Variants in GRK4 observed in about 807,000 individuals in gnomAD.
GRK4 encodes G protein-coupled receptor kinase 4, also known as G protein-coupled receptor kinase 2-like.
Under a neutral mutation model 77.9 loss-of-function variants are expected in GRK4, and 73 were observed. That is an observed-to-expected ratio of 0.94 (90% CI 0.78 to 1.14). The LOEUF is 1.14. Among genes scored for constraint, GRK4 ranks in the 50% most tolerant of loss-of-function variants. The pLI, the probability that GRK4 is intolerant of heterozygous loss-of-function variation, is 0.00. For missense variants in GRK4, 729 were observed against 700.2 expected, an observed-to-expected ratio of 1.04 and a Z score of -0.46; for synonymous variants, 257 against 254.4, an observed-to-expected ratio of 1.01 and a Z score of -0.10.
At chr4:3,021,612 C>T (rs529187526) in intron 9 of GRK4, among the ~76,000 whole-genome samples, 1 of 152,284 alleles carries the variant, frequency 6.6e-6, no homozygotes, top group East Asian at 1.9e-4. Context: ...GGCTATGAGT[C>T]CTCTAGACAC....
chr4:3,019,842 T>A lies in GRK4; in HGVS notation c.932+11T>A, dbSNP rs751779365. 1.1e-5 allele frequency: 18 copies of A among 1,604,650 alleles called. No individual in the cohort carries two copies. Among genetic ancestry groups the A allele is most frequent in the Middle Eastern group, 1.7e-4 (1 of 5,954 alleles). On this transcript the variant is annotated intron_variant, in intron 9 of 15. Coordinates refer to ENST00000398052, the MANE Select transcript of GRK4 (RefSeq NM_182982.3). ...AAGAATTGTATACAGGTAAGAACGG[T>A]GCTACCTAATGGAGCCTGCAAGTCT...
At chr4:3,026,853 G>A (rs1021875331) in intron 10 of GRK4, among the ~76,000 whole-genome samples, 7 of 152,202 alleles carry the variant, frequency 4.6e-5, no homozygotes, top group African/African-American at 9.7e-5. Flanking sequence ...AGGGCATGTC[G>A]CATATTTTTA....
At chr4:3,010,314 C>T (rs1732533274) in intron 7 of GRK4, among the ~76,000 whole-genome samples, 1 of 152,124 alleles carries the variant, frequency 6.6e-6, no homozygotes, top group South Asian at 2.1e-4. Flanking sequence ...ACAACCTCCG[C>T]CTCCTGAGTT....
At chr4:2,987,081 A>G (rs542243291) in intron 2 of GRK4, 2 of 503,876 alleles carry the variant, frequency 4.0e-6, no homozygotes, top group Middle Eastern at 3.2e-4. Context: ...CCCCAAAAAG[A>G]AACGCCACAC....
chr4:2,984,535 T>C lies in GRK4; in HGVS notation c.75T>C (p.Gly25=), dbSNP rs1205052013. 2.5e-6 allele frequency: 4 copies of C among 1,612,790 alleles called. No homozygotes were observed. Among genetic ancestry groups the C allele is most frequent in the Non-Finnish European group, 2.5e-6 (3 of 1,179,230 alleles). The change falls in exon 2 of 16, where the codon GGT becomes GGC. Residue 25 remains glycine (G), a synonymous_variant. Coordinates refer to ENST00000398052, the MANE Select transcript of GRK4 (RefSeq NM_182982.3). ...ARQGGYGKKS[G]RSKKWKEILT... is the part of the protein sequence containing the mutation. Reference sequence around the variant, plus strand: ...CAGGAGGATATGGCAAAAAAAGTGGTCGTAGTAAAAAATGGAAGGAGATAC... The same window carrying C: ...CAGGAGGATATGGCAAAAAAAGTGGCCGTAGTAAAAAATGGAAGGAGATAC...
chr4:2,965,961 C>T (rs1717518863), intron 1 of GRK4: 1 of 173,522 alleles, frequency 5.8e-6, no homozygotes, highest in Admixed American at 5.4e-5. Flanking sequence ...CACTACCTTC[C>T]TATCTGCATG....
At chr4:3,011,515 G>A (rs1431376860) in intron 7 of GRK4, among the ~76,000 whole-genome samples, 1 of 152,132 alleles carries the variant, frequency 6.6e-6, no homozygotes, top group Non-Finnish European at 1.5e-5. Context: ...ATTTACTTGG[G>A]TTCCCAAACA....
chr4:3,023,109 C>A (rs973712233), intron 10 of GRK4, among the ~76,000 whole-genome samples: 1 of 152,170 alleles, frequency 6.6e-6, no homozygotes. Flanking sequence ...TGTCATGTTG[C>A]CCCTGGTGCT....
Position 2,963,732 on chromosome 4 carries a change from G to A in GRK4, c.-339G>A, listed in dbSNP as rs1199889611. 7.2e-6 allele frequency: 3 copies of A among 416,630 alleles called. No homozygotes were observed. Among genetic ancestry groups the A allele is most frequent in the African/African-American group, 2.1e-5 (1 of 46,778 alleles). 25.8% of individuals were successfully genotyped at this position (416,630 alleles called of 1,614,324 possible). ...TGACTCGGGGCTGCCCGGGGGCAGG[G>A]CACTGAGGAGGGAGTTGCGCGCGCG... is the stretch of plus-strand genomic sequence containing the variant. On this transcript the variant is annotated 5_prime_UTR_variant, in exon 1 of 16. Transcript: ENST00000398052.
chr4:2,984,821 AT>A (rs1411025292), intron 2 of GRK4, among the ~76,000 whole-genome samples: 1 of 151,916 alleles, frequency 6.6e-6, no homozygotes, highest in South Asian at 2.1e-4. Context: ...AAAAATATAT[AT>A]TTTTTATAGA....
chr4:2,987,352 G>A (rs1724716797), intron 2 of GRK4, among the ~76,000 whole-genome samples: 1 of 152,132 alleles, frequency 6.6e-6, no homozygotes, highest in Admixed American at 6.5e-5. Flanking sequence ...ATAGACATTT[G>A]AGTTGTTTTC....
At chr4:3,017,059 TCA>T (rs1382528899) in intron 8 of GRK4, among the ~76,000 whole-genome samples, 6 of 152,210 alleles carry the variant, frequency 3.9e-5, no homozygotes, top group Admixed American at 6.5e-5. Flanking sequence ...CCCTCGCCCC[TCA>T]CAGTCTGTTC....
At position 3,038,935 on chromosome 4, in the gene GRK4, G is replaced by C. The variant is rs182500080; in HGVS notation, c.1683+422G>C. On this transcript the variant is annotated intron_variant, in intron 15 of 15. Coordinates refer to ENST00000398052, the MANE Select transcript of GRK4 (RefSeq NM_182982.3). ...ATTCCTTTTTGAAAAGGGAATCCTG[G>C]CTGGGTGCGGTGGCTCACGCCTGTA... The C allele has an allele frequency of 4.8e-3, 778 of 160,840 alleles. 5 individuals carry two copies. Among genetic ancestry groups the C allele is most frequent in the Non-Finnish European group, 6.8e-3 (500 of 73,112 alleles). The allele number at this position is 160,840 out of a possible 1,614,324, so 10.0% of individuals were successfully genotyped here.
intron 1 of GRK4, among the ~76,000 whole-genome samples, chr4:2,974,749 T>A (rs1720598520): frequency 6.6e-6 from 1 of 152,182 alleles, no homozygotes; most frequent in Non-Finnish European, 1.5e-5. Context: ...TAATGGTGAT[T>A]TCTGAGATTT....
At chr4:2,988,978 A>C in intron 3 of GRK4, 139 bp downstream of exon 3, 1 of 595,964 alleles carries the variant, frequency 1.7e-6, no homozygotes, top group Admixed American at 2.5e-5. Flanking sequence ...AGGTCAGGAG[A>C]TCGAGACCAT....
chr4:2,988,937 C>T, intron 3 of GRK4, 98 bp downstream of exon 3: 1 of 752,478 alleles, frequency 1.3e-6, no homozygotes, highest in Non-Finnish European at 2.4e-6. Context: ...GTAATCCCAG[C>T]ATTTTGGAAG....
At chr4:2,971,595 C>T (rs886562317) in intron 1 of GRK4, among the ~76,000 whole-genome samples, 2 of 152,128 alleles carry the variant, frequency 1.3e-5, no homozygotes, top group African/African-American at 2.4e-5. Context: ...AAGAAGAAAG[C>T]GGGGAGGACA....
chr4:3,031,559 G>A (rs561602191), intron 12 of GRK4, among the ~76,000 whole-genome samples: 1 of 152,188 alleles, frequency 6.6e-6, no homozygotes, highest in Admixed American at 6.5e-5. Flanking sequence ...GTGACTAGAG[G>A]ACAGACCATG....
At chr4:3,032,212 G>A (rs147043196) in intron 12 of GRK4, among the ~76,000 whole-genome samples, 133 of 152,188 alleles carry the variant, frequency 8.7e-4, no homozygotes, top group African/African-American at 2.8e-3. Context: ...GGCCGGGTGC[G>A]GTGGCTCATG....
Sources: gnomAD v4.1 joint callset for allele counts (sites outside exome capture counted in the v4.1 genomes callset) on GRCh38, gnomAD v4.1.1 for gene constraint, MANE v1.5 for transcripts, NCBI Gene and HGNC (gene_info 2026-07-23, HGNC 2026-07-21) for gene names.